Variants in CORIN observed in about 807,000 individuals in gnomAD.
CORIN encodes the protein atrial natriuretic peptide-converting enzyme.
Under a neutral mutation model 125.3 loss-of-function variants are expected in CORIN, and 117 were observed. That is an observed-to-expected ratio of 0.93 (90% CI 0.80 to 1.09). CORIN has a LOEUF of 1.09. Ranked by LOEUF, CORIN falls within the 50% of genes least tolerant of loss-of-function variation. The pLI, the probability that CORIN is intolerant of heterozygous loss-of-function variation, is 0.00. For missense variants in CORIN, 1,253 were observed against 1,306.7 expected (o/e 0.96, Z 0.63); for synonymous variants, 450 against 466.4 (o/e 0.96, Z 0.45).
At chr4:47,819,598 G>T (rs1732416500) in intron 1 of CORIN, among the ~76,000 whole-genome samples, 1 of 151,982 alleles carries the variant, frequency 6.6e-6, no homozygotes, top group South Asian at 2.1e-4. Context: ...GACATGAAGG[G>T]AATCAGAGTC....
intron 3 of CORIN, among the ~76,000 whole-genome samples, chr4:47,783,966 T>C (rs1217405060): frequency 7.9e-5 from 12 of 152,142 alleles, no homozygotes; most frequent in Admixed American, 7.9e-4. Flanking sequence ...GATTAAATGA[T>C]GATGAAAAAC....
chr4:47,803,813 T>C (rs1317779178), intron 2 of CORIN, among the ~76,000 whole-genome samples: 1 of 152,162 alleles, frequency 6.6e-6, no homozygotes, highest in Non-Finnish European at 1.5e-5. Flanking sequence ...TCTTGAGTCA[T>C]ACCACACAAG....
intron 19 of CORIN, among the ~76,000 whole-genome samples, chr4:47,622,174 T>C (rs1002277047): frequency 1.3e-5 from 2 of 151,792 alleles, no homozygotes; most frequent in African/African-American, 4.8e-5. Flanking sequence ...ACAAAGGACA[T>C]GAACTCATCA....
Position 47,680,243 on chromosome 4 carries a change from G to A in CORIN, c.1030C>T (p.Pro344Ser). ...LSDEQNCDCN[P>S]TTEHRCGDGR... is the part of the protein sequence containing the mutation. Reference sequence around the variant, plus strand: ...TCCCCGCAGCGATGCTCTGTTGTGGGATTGCAATCTGGAGAAATGAAAACT... The same window carrying A: ...TCCCCGCAGCGATGCTCTGTTGTGGAATTGCAATCTGGAGAAATGAAAACT... The change falls in exon 8 of 22, where the codon CCC (proline) becomes TCC (serine). Residue 344 changes from proline to serine, a missense_variant. Coordinates refer to ENST00000273857, the MANE Select transcript of CORIN (RefSeq NM_006587.4). 1 of 1,613,308 alleles carries A rather than the reference G, an allele frequency of 6.2e-7. No homozygotes were observed. The highest frequency in any genetic ancestry group is 1.3e-5 in the African/African-American group (1 of 75,022).
chr4:47,728,048 T>C lies in CORIN; in HGVS notation c.799+16354A>G, dbSNP rs558568887. 5.3e-5 allele frequency among the ~76,000 whole-genome samples: 8 copies of C among 152,238 alleles called. 1 individual carries two copies. The highest frequency in any genetic ancestry group is 2.6e-4 in the Admixed American group (4 of 15,286). On this transcript the variant is annotated intron_variant, in intron 5 of 21. Coordinates refer to ENST00000273857, the MANE Select transcript of CORIN (RefSeq NM_006587.4). ...TTCAGACACAAAATAAACATATGGA[T>C]AGAGCAGGTGAGAATGGAGACTTCA...
At chr4:47,610,425 G>A (rs760356285) in intron 19 of CORIN, among the ~76,000 whole-genome samples, 4 of 151,292 alleles carry the variant, frequency 2.6e-5, no homozygotes, top group Non-Finnish European at 5.9e-5. Context: ...GTCTGTTCAT[G>A]TCCTTTGCCC....
At chr4:47,819,389 C>T (rs1379809818) in intron 1 of CORIN, among the ~76,000 whole-genome samples, 1 of 152,078 alleles carries the variant, frequency 6.6e-6, no homozygotes, top group Non-Finnish European at 1.5e-5. Flanking sequence ...ATTACTGAAC[C>T]TACAGAAAAT....
At chr4:47,670,831 A>G (rs969602583) in intron 10 of CORIN, among the ~76,000 whole-genome samples, 2 of 152,236 alleles carry the variant, frequency 1.3e-5, no homozygotes, top group African/African-American at 4.8e-5. Context: ...GCAAGGACAC[A>G]TCTGTATTTT....
chr4:47,606,170 G>A (rs552914143), intron 19 of CORIN, among the ~76,000 whole-genome samples: 11 of 152,088 alleles, frequency 7.2e-5, no homozygotes, highest in Non-Finnish European at 1.0e-4. Flanking sequence ...TTGAGTGAAG[G>A]TAGACAATTA....
intron 5 of CORIN, among the ~76,000 whole-genome samples, chr4:47,695,445 A>G (rs943420354): frequency 1.3e-5 from 2 of 152,226 alleles, no homozygotes; most frequent in African/African-American, 4.8e-5. Flanking sequence ...TTTTATCTTT[A>G]AGACCCTACA....
At chr4:47,827,522 C>A (rs1189077069) in intron 1 of CORIN, among the ~76,000 whole-genome samples, 1 of 152,138 alleles carries the variant, frequency 6.6e-6, no homozygotes, top group Non-Finnish European at 1.5e-5. Flanking sequence ...CATGTCTATG[C>A]ACCTCTGCAC....
At chr4:47,702,193 A>AT (rs1182870361) in intron 5 of CORIN, among the ~76,000 whole-genome samples, 6 of 152,166 alleles carry the variant, frequency 3.9e-5, no homozygotes, top group Non-Finnish European at 7.4e-5. Context: ...TTCAAGTGAC[A>AT]TTTTGCATTT....
In CORIN at chr4:47,595,889, C is replaced by A. The variant is rs779472904; in HGVS notation, c.2961G>T (p.Gly987=). 2 of 1,608,354 alleles carry A rather than the reference C, an allele frequency of 1.2e-6. No individual in the cohort carries two copies. The highest frequency in any genetic ancestry group is 3.4e-5 in the Admixed American group (2 of 58,374). The change falls in exon 22 of 22, where the codon GGG becomes GGT. Residue 987 remains glycine (G), a synonymous_variant. Transcript: ENST00000273857. The stretch of plus-strand genomic sequence containing the variant: ...CTCCAGGCTTCTCACAAACAAGAGG[C>A]CCACCGCTGTCACCCTGCAATAAGT... ...TVDSCMGDSG[G]PLVCEKPGGR... is the part of the protein sequence containing the mutation.
rs61760486 is a variant in CORIN at position 47,663,319 on chromosome 4, T to A, written c.1590-1463A>T. ...AAGGACTCGATGTTAGATTTTTCAG[T>A]CTCATAGCTAAAAAATTCAATGTTA... On this transcript the variant is annotated intron_variant, in intron 11 of 21. Coordinates refer to ENST00000273857, the MANE Select transcript of CORIN (RefSeq NM_006587.4). Among the ~76,000 whole-genome samples, 1,141 of 152,216 alleles carry A rather than the reference T, an allele frequency of 7.5e-3. 10 individuals are homozygous for A. The highest frequency in any genetic ancestry group is 0.051 in the Middle Eastern group (15 of 294).
chr4:47,660,649 T>C (rs1724202808), intron 12 of CORIN, among the ~76,000 whole-genome samples: 1 of 152,168 alleles, frequency 6.6e-6, no homozygotes. Context: ...CAAATTAAAA[T>C]GTCTTATATC....
intron 4 of CORIN, among the ~76,000 whole-genome samples, chr4:47,756,105 A>G (rs954229066): frequency 6.6e-6 from 1 of 152,208 alleles, no homozygotes; most frequent in Non-Finnish European, 1.5e-5. Context: ...ATGGTGAAAG[A>G]TAACAGGCCC....
At position 47,751,644 on chromosome 4, in the gene CORIN, G is replaced by A. The variant is rs1184381919; in HGVS notation, c.618-7061C>T. ...CCTGCTAGTAGCCTTCCCTAATAATGCCAGATAAAATGAATTCCTCCCCTT... is the reference window on the plus strand; with the variant it reads ...CCTGCTAGTAGCCTTCCCTAATAATACCAGATAAAATGAATTCCTCCCCTT... On this transcript the variant is annotated intron_variant, in intron 4 of 21. Coordinates refer to ENST00000273857, the MANE Select transcript of CORIN (RefSeq NM_006587.4). 3.9e-5 allele frequency among the ~76,000 whole-genome samples: 6 copies of A among 152,134 alleles called. No individual in the cohort carries two copies. The South Asian group carries it at 1.0e-3, about 26-fold the overall frequency.
chr4:47,625,416 T>C (rs1722512773), intron 17 of CORIN, among the ~76,000 whole-genome samples: 1 of 152,130 alleles, frequency 6.6e-6, no homozygotes, highest in Non-Finnish European at 1.5e-5. Flanking sequence ...ACTCCCAATC[T>C]AGAATGCATT....
chr4:47,750,046 A>G (rs1033581993), intron 4 of CORIN, among the ~76,000 whole-genome samples: 1 of 152,206 alleles, frequency 6.6e-6, no homozygotes, highest in Admixed American at 6.5e-5. Flanking sequence ...TGCACAATCT[A>G]TGAGCAACAG....
Sources: gnomAD v4.1 joint callset for allele counts (sites outside exome capture counted in the v4.1 genomes callset) on GRCh38, gnomAD v4.1.1 for gene constraint, MANE v1.5 for transcripts, NCBI Gene and HGNC (gene_info 2026-07-23, HGNC 2026-07-21) for gene names.